Variants in RGS6 observed in about 807,000 individuals in gnomAD.
RGS6 encodes regulator of G protein signaling 6.
In RGS6, 30 loss-of-function variants were observed where a neutral mutation model predicts 78.5. That is an observed-to-expected ratio of 0.38 (90% CI 0.29 to 0.52). The LOEUF (loss-of-function observed/expected upper bound fraction) is 0.52. Ranked by LOEUF, RGS6 falls within the 20% of genes least tolerant of loss-of-function variation. The pLI is 0.85. For missense variants in RGS6, 495 were observed against 609.7 expected, an observed-to-expected ratio of 0.81 and a Z score of 1.98; for synonymous variants, 206 against 206.0, an observed-to-expected ratio of 1.00 and a Z score of 0.00.
intron 13 of RGS6, among the ~76,000 whole-genome samples, chr14:72,498,785 T>C (rs748841169): frequency 2.0e-5 from 3 of 152,136 alleles, no homozygotes; most frequent in Admixed American, 2.0e-4. Context: ...CCCCAGGCGT[T>C]CTGAGGCACA....
At chr14:72,414,377 T>C (rs2093650435) in intron 3 of RGS6, among the ~76,000 whole-genome samples, 1 of 152,276 alleles carries the variant, frequency 6.6e-6, no homozygotes, top group Admixed American at 6.5e-5. Context: ...GGCTTGTGCA[T>C]TCGTCACATA....
At chr14:72,409,933 T>A (rs1461803899) in intron 3 of RGS6, among the ~76,000 whole-genome samples, 1 of 152,214 alleles carries the variant, frequency 6.6e-6, no homozygotes, top group African/African-American at 2.4e-5. Flanking sequence ...ATGTTGTATA[T>A]GTGCCACATT....
At chr14:72,371,475 T>G (rs763678634) in intron 3 of RGS6, among the ~76,000 whole-genome samples, 1 of 152,120 alleles carries the variant, frequency 6.6e-6, no homozygotes, top group Non-Finnish European at 1.5e-5. Context: ...TATTAAAAAA[T>G]TCTGGGCCGG....
chr14:71,991,750 T>C (rs571142563), intron 2 of RGS6, among the ~76,000 whole-genome samples: 28 of 152,300 alleles, frequency 1.8e-4, no homozygotes, highest in Admixed American at 1.2e-3. Context: ...ACATAATAGA[T>C]TGAGAATATT....
At chr14:72,225,301 T>TA (rs1187060900) in intron 2 of RGS6, among the ~76,000 whole-genome samples, 1 of 152,110 alleles carries the variant, frequency 6.6e-6, no homozygotes, top group African/African-American at 2.4e-5. Flanking sequence ...ATTAGATTTT[T>TA]AAAAAAACAT....
chr14:71,878,901 G>A, the RGS6 span, among the ~76,000 whole-genome samples: 3 of 152,294 alleles, frequency 2.0e-5, no homozygotes, highest in East Asian at 1.9e-4. Flanking sequence ...TTCTTTAGGG[G>A]TGCTGATGTA....
intron 2 of RGS6, among the ~76,000 whole-genome samples, chr14:71,984,343 C>T (rs761333875): frequency 7.3e-6 from 1 of 137,886 alleles, no homozygotes; most frequent in South Asian, 2.4e-4. Context: ...AGAAATTAAC[C>T]ATAAGAGAGT....
the RGS6 span, among the ~76,000 whole-genome samples, chr14:71,878,624 G>T: frequency 5.9e-5 from 9 of 152,326 alleles, no homozygotes; most frequent in South Asian, 1.9e-3. Flanking sequence ...CTGACCCCTT[G>T]CACTTCCTGG....
chr14:72,220,592 G>A (rs1211229348), intron 2 of RGS6, among the ~76,000 whole-genome samples: 1 of 152,190 alleles, frequency 6.6e-6, no homozygotes, highest in Admixed American at 6.5e-5. Context: ...GGAAACTCAA[G>A]TGGCTGCTTC....
At chr14:72,282,016 T>C (rs972832629) in intron 2 of RGS6, among the ~76,000 whole-genome samples, 1 of 152,258 alleles carries the variant, frequency 6.6e-6, no homozygotes, top group African/African-American at 2.4e-5. Context: ...CTATCACTTA[T>C]GGAGCAACTG....
At chr14:71,911,378 T>C in the RGS6 span, among the ~76,000 whole-genome samples, 3 of 152,234 alleles carry the variant, frequency 2.0e-5, no homozygotes, top group African/African-American at 7.2e-5. Flanking sequence ...CATCCATTTT[T>C]AGTCAAAATT....
chr14:71,875,159 A>C, the RGS6 span, among the ~76,000 whole-genome samples: 1 of 152,190 alleles, frequency 6.6e-6, no homozygotes, highest in East Asian at 1.9e-4. Flanking sequence ...CTGGCCTCAT[A>C]AAATGAATTA....
the RGS6 span, among the ~76,000 whole-genome samples, chr14:71,905,848 C>A: frequency 6.6e-6 from 1 of 152,134 alleles, no homozygotes; most frequent in Non-Finnish European, 1.5e-5. Context: ...GTAAGATGAG[C>A]CCATTTATCT....
upstream of RGS6, among the ~76,000 whole-genome samples, chr14:71,927,861 T>C (rs1055683408): frequency 2.0e-5 from 3 of 152,054 alleles, no homozygotes; most frequent in South Asian, 4.2e-4. Context: ...GGTTTCACCG[T>C]GTTAGCCAGG....
At position 72,405,517 on chromosome 14, in the gene RGS6, C is replaced by T. The variant is rs572288912; in HGVS notation, c.185-49011C>T. On this transcript the variant is annotated intron_variant, in intron 3 of 17. Coordinates refer to ENST00000553525, the MANE Select transcript of RGS6 (RefSeq NM_001204424.2). ...ATAACAGTGTCACCTTGAGCAGTCA[C>T]ATATGCCTTAACATCCTTCTTTCTA... Among the ~76,000 whole-genome samples the T allele has an allele frequency of 2.0e-5, 3 of 152,338 alleles. No homozygotes were observed. The South Asian group carries it at 6.2e-4, about 32-fold the overall frequency.
chr14:72,050,257 A>G (rs1401077490), intron 2 of RGS6, among the ~76,000 whole-genome samples: 1 of 152,220 alleles, frequency 6.6e-6, no homozygotes, highest in East Asian at 1.9e-4. Flanking sequence ...CCTTTAACTG[A>G]TTTAGTTTCA....
the RGS6 span, among the ~76,000 whole-genome samples, chr14:72,599,393 C>CTTTTTT: frequency 2.0e-4 from 16 of 78,198 alleles, no homozygotes; most frequent in African/African-American, 7.9e-4. Flanking sequence ...CTTTTCTTTC[C>CTTTTTT]TTTTTTTTTT....
chr14:71,868,801 A>AC, the RGS6 span, among the ~76,000 whole-genome samples: 1 of 151,516 alleles, frequency 6.6e-6, no homozygotes, highest in African/African-American at 2.4e-5. Flanking sequence ...CACTTCTTCC[A>AC]CCCCCTCCCC....
At chr14:71,936,387 G>A (rs1391808037) in intron 1 of RGS6, among the ~76,000 whole-genome samples, 1 of 151,968 alleles carries the variant, frequency 6.6e-6, no homozygotes, top group African/African-American at 2.4e-5. Context: ...GATTAAGGGT[G>A]GATCTGCCTT....
Sources: gnomAD v4.1 joint callset for allele counts (sites outside exome capture counted in the v4.1 genomes callset) on GRCh38, gnomAD v4.1.1 for gene constraint, MANE v1.5 for transcripts, NCBI Gene and HGNC (gene_info 2026-07-23, HGNC 2026-07-21) for gene names.